The following TRRAP variants were observed in gnomAD, a reference collection of about 807,000 sequenced individuals.
The protein encoded by TRRAP is transformation/transcription domain associated protein.
TRRAP carries 41 observed loss-of-function variants against 438.8 expected under a neutral mutation model. That is an observed-to-expected ratio of 0.09 (90% CI 0.07 to 0.12). TRRAP has a LOEUF of 0.12. TRRAP is among the 10% of genes least tolerant of loss of function. TRRAP has a pLI of 1.00. For missense variants in TRRAP, 3,122 were observed against 5,055.1 expected (o/e 0.62, Z 11.60); for synonymous variants, 1,994 against 1,962.9 (o/e 1.02, Z -0.42).
intron 16 of TRRAP, 104 bp downstream of exon 16, chr7:98,910,711 G>A (rs1554408591): frequency 1.1e-6 from 1 of 946,564 alleles, no homozygotes; most frequent in South Asian, 1.7e-5. Flanking sequence ...TATTTGGATG[G>A]TCCACAGTAT....
chr7:98,950,374 G>A, intron 38 of TRRAP, 112 bp downstream of exon 38: 3 of 1,268,264 alleles, frequency 2.4e-6, no homozygotes, highest in Non-Finnish European at 3.3e-6. Context: ...ATAGTAGAGT[G>A]AGCCAGGTGC....
At chr7:98,881,274 A>G in intron 2 of TRRAP, 24 bp downstream of exon 2, 3 of 1,575,896 alleles carry the variant, frequency 1.9e-6, no homozygotes, top group Non-Finnish European at 2.6e-6. Context: ...TTTTATCATT[A>G]AGAAATGCAT....
intron 62 of TRRAP, among the ~76,000 whole-genome samples, chr7:98,987,822 C>T (rs964231978): frequency 2.0e-5 from 3 of 152,138 alleles, no homozygotes; most frequent in Non-Finnish European, 4.4e-5. Context: ...TCTGTAGATG[C>T]CTTTTATAAG....
At chr7:98,920,022 C>T (rs1562941473) in intron 20 of TRRAP, among the ~76,000 whole-genome samples, 2 of 152,192 alleles carry the variant, frequency 1.3e-5, no homozygotes, top group African/African-American at 2.4e-5. Flanking sequence ...TCTTAGACTA[C>T]TTTTCTGACA....
At chr7:98,955,400 T>A in intron 41 of TRRAP, 96 bp downstream of exon 41, 1 of 1,318,536 alleles carries the variant, frequency 7.6e-7, no homozygotes, top group Non-Finnish European at 1.0e-6. Flanking sequence ...AGGTGGTCGT[T>A]CATCTTTTAG....
chr7:98,892,331 A>C, intron 4 of TRRAP, 93 bp from the exon 5 acceptor site: 26 of 1,017,998 alleles, frequency 2.6e-5, no homozygotes, highest in Non-Finnish European at 3.0e-5. Flanking sequence ...GCTGGGTGTA[A>C]ACAGCTGTGT....
intron 33 of TRRAP, among the ~76,000 whole-genome samples, chr7:98,946,473 A>G (rs1014984949): frequency 4.3e-4 from 65 of 151,010 alleles, no homozygotes; most frequent in African/African-American, 1.5e-3. Flanking sequence ...CACAGACCAC[A>G]CGTGCACTCA....
intron 2 of TRRAP, chr7:98,881,685 T>G (rs542681871): frequency 2.8e-6 from 1 of 359,832 alleles, no homozygotes; most frequent in East Asian, 4.5e-5. Context: ...TCCTTTTCTC[T>G]ACCTTGTAGA....
At chr7:98,942,281 C>T (rs1554415829) in intron 30 of TRRAP, among the ~76,000 whole-genome samples, 1 of 152,182 alleles carries the variant, frequency 6.6e-6, no homozygotes, top group Non-Finnish European at 1.5e-5. Flanking sequence ...AAGTGGGGTC[C>T]ACATCTATCT....
At chr7:99,008,115 T>A (rs779449426) in intron 69 of TRRAP, among the ~76,000 whole-genome samples, 29 of 152,230 alleles carry the variant, frequency 1.9e-4, no homozygotes, top group Non-Finnish European at 3.2e-4. Flanking sequence ...TGAGCCACTG[T>A]GTCCGGCCAA....
At chr7:98,894,783 G>GTTTTT (rs56407045) in intron 6 of TRRAP, among the ~76,000 whole-genome samples, 28 of 87,420 alleles carry the variant, frequency 3.2e-4, no homozygotes, top group African/African-American at 7.0e-4. Flanking sequence ...CCAGCTAATG[G>GTTTTT]TTTTTTTTTT....
intron 51 of TRRAP, 34 bp downstream of exon 51, chr7:98,967,732 G>T: frequency 6.3e-7 from 1 of 1,594,728 alleles, no homozygotes; most frequent in Non-Finnish European, 8.5e-7. Context: ...GTGGCCGGGG[G>T]CAGCTGTGGG....
rs776548082 is a variant in TRRAP, at chr7:98,965,851, G to A, written c.7132G>A (p.Val2378Met). ...AKILRAVVKI[V>M]EEWVKNNSPM... ...AATCCTCCGGGCTGTGGTCAAAATC[G>A]TGGAAGAATGGGTCAAGAATAACTC... Residue 2378 changes from valine (V) to methionine (M), a missense_variant, in exon 49 of 73, where the codon GTG becomes ATG. Physicochemically the swap from Val to Met is conservative, Grantham distance 21. This residue lies in a region of TRRAP where 992 missense variants were observed against 1,281.2 expected (regional missense o/e 0.77). Coordinates refer to ENST00000456197, the MANE Select transcript of TRRAP (RefSeq NM_001375524.1). 2.9e-5 allele frequency: 46 copies of A among 1,614,028 alleles called. No individual in the cohort carries two copies. The highest frequency in any genetic ancestry group is 3.5e-5 in the Non-Finnish European group (41 of 1,180,048).
intron 3 of TRRAP, among the ~76,000 whole-genome samples, chr7:98,887,884 A>G (rs1447813620): frequency 2.0e-5 from 3 of 152,050 alleles, no homozygotes; most frequent in Non-Finnish European, 4.4e-5. Flanking sequence ...TTAGCCCCAT[A>G]TTTAACTGCC....
intron 23 of TRRAP, among the ~76,000 whole-genome samples, chr7:98,928,102 G>A (rs939065058): frequency 8.5e-5 from 13 of 152,146 alleles, no homozygotes; most frequent in African/African-American, 3.1e-4. Context: ...GCTGGGCATG[G>A]TGGTGCATGC....
At chr7:98,969,052 G>A (rs915016642) in intron 51 of TRRAP, among the ~76,000 whole-genome samples, 3 of 152,234 alleles carry the variant, frequency 2.0e-5, no homozygotes, top group Admixed American at 6.5e-5. Flanking sequence ...CTCACTGCGG[G>A]TGACAGTTCA....
At chr7:98,991,473 T>C (rs1246362579) in intron 64 of TRRAP, among the ~76,000 whole-genome samples, 2 of 152,192 alleles carry the variant, frequency 1.3e-5, no homozygotes, top group Non-Finnish European at 2.9e-5. Flanking sequence ...GTAGCACTTA[T>C]CCTCAGGATG....
At chr7:98,989,009 C>A in intron 63 of TRRAP, 43 bp downstream of exon 63, 1 of 1,580,240 alleles carries the variant, frequency 6.3e-7, no homozygotes, top group Non-Finnish European at 8.6e-7. Context: ...CCATCTGTCA[C>A]CTTCAGATTT....
At position 98,897,656 on chromosome 7, in the gene TRRAP, T is replaced by TTTTTGTTTTGTTTTG. The variant is rs782088643; in HGVS notation, c.508-70_508-56dup. ...TTTTTCCACCAAAGAGTCAAGCGTC[T>TTTTTGTTTTGTTTTG]TTTTGTTTTGTTTTGTTTTGTTTTG... On this transcript the variant is annotated intron_variant, in intron 7 of 72. Coordinates refer to ENST00000456197, the MANE Select transcript of TRRAP (RefSeq NM_001375524.1). 19 of 1,503,286 alleles carry TTTTTGTTTTGTTTTG rather than the reference T, an allele frequency of 1.3e-5. No homozygotes were observed. In the African/African-American group the frequency reaches 2.5e-4, roughly 20 times the overall value. The allele number at this position is 1,503,286 out of a possible 1,614,324, so 93.1% of individuals were successfully genotyped here. A position where few individuals can be genotyped will look rare whatever the true frequency, so the allele number is the denominator to read the frequency against.
Sources: allele counts gnomAD v4.1 joint callset (sites outside exome capture counted in the v4.1 genomes callset), GRCh38; gene constraint gnomAD v4.1.1; regional missense constraint gnomAD v4.1.1; transcripts MANE v1.5; gene names NCBI Gene and HGNC (gene_info 2026-07-23, HGNC 2026-07-21).